EP300: variants seen among roughly 807,000 people sequenced by gnomAD.
EP300 encodes histone acetyltransferase p300.
EP300 carries 31 observed loss-of-function variants against 264.0 expected under a neutral mutation model. That is an observed-to-expected ratio of 0.12 (90% CI 0.09 to 0.16). The LOEUF is 0.16. Among genes scored for constraint, EP300 ranks in the 10% least tolerant of loss-of-function variants. EP300 has a pLI of 1.00. For synonymous variants in EP300, 1,340 were observed against 1,045.4 expected (o/e 1.28, Z -5.44); for missense variants, 2,766 against 3,052.9 (o/e 0.91, Z 2.21).
chr22:41,168,883 A>G lies in EP300; in HGVS notation c.4172+16A>G, dbSNP rs777335301. The G allele has an allele frequency of 1.4e-5, 22 of 1,614,052 alleles. No individual in the cohort carries two copies. In the Middle Eastern group the frequency reaches 4.9e-4, roughly 36 times the overall value. On this transcript the variant is annotated intron_variant, in intron 25 of 30. Transcript: ENST00000263253. ...CCAACCAGAGGTATGACTAGCTCACAGTGGCTAGCTCCGGATTTGTGTGGG... is the reference window on the plus strand; with the variant it reads ...CCAACCAGAGGTATGACTAGCTCACGGTGGCTAGCTCCGGATTTGTGTGGG...
Position 41,137,652 on chromosome 22 carries a change from G to A in EP300, c.1623-1G>A. On this transcript the variant is annotated splice_acceptor_variant, in intron 7 of 30. Coordinates refer to ENST00000263253, the MANE Select transcript of EP300 (RefSeq NM_001429.4). LOFTEE classifies it high-confidence loss of function. ...AACTATTTGGTGACCCCTTTTTGAA[G>A]CCCAATGATGAGTGAAAATGCCAGT... 1 of 1,613,570 alleles carries A rather than the reference G, an allele frequency of 6.2e-7. No individual in the cohort carries two copies. The highest frequency in any genetic ancestry group is 8.5e-7 in the Non-Finnish European group (1 of 1,179,830).
At chr22:41,169,029 A>AC (rs2059155604) in intron 25 of EP300, among the ~76,000 whole-genome samples, 162 bp downstream of exon 25, 2 of 152,068 alleles carry the variant, frequency 1.3e-5, no homozygotes, top group African/African-American at 4.8e-5. Flanking sequence ...TAAAAAGCAA[A>AC]CCCCCAAACA....
intron 20 of EP300, among the ~76,000 whole-genome samples, chr22:41,162,396 T>C (rs1284146122): frequency 2.6e-5 from 4 of 152,162 alleles, no homozygotes; most frequent in South Asian, 2.1e-4. Context: ...CAGTGTGTTA[T>C]GCTGGGTTTC....
rs151009770 is a variant in EP300 at position 41,178,405 on chromosome 22, C to G, written c.6694C>G (p.Gln2232Glu). 11 of 1,614,028 alleles carry G rather than the reference C, an allele frequency of 6.8e-6. No homozygotes were observed. Among genetic ancestry groups the G allele is most frequent in the East Asian group, 2.2e-5 (1 of 44,890 alleles). ...GCAGCAGCGGATGCAGCATCACATG[C>G]AACAGATGCAACAAGGAAATATGGG... Reference protein sequence around the residue: ...QQQQRMQHHMQQMQQGNMGQI... With the variant: ...QQQQRMQHHMEQMQQGNMGQI... Residue 2232 changes from glutamine (Q) to glutamate (E), a missense_variant, in exon 31 of 31, where the codon CAA becomes GAA. Physicochemically the swap from Gln to Glu is conservative, Grantham distance 29 (BLOSUM62 2). Transcript: ENST00000263253.
intron 1 of EP300, among the ~76,000 whole-genome samples, chr22:41,104,104 G>A (rs144487095): frequency 6.6e-6 from 1 of 152,026 alleles, no homozygotes; most frequent in Admixed American, 6.6e-5. Flanking sequence ...TTTTTAAAGG[G>A]TATGTTTCTC....
intron 1 of EP300, among the ~76,000 whole-genome samples, chr22:41,114,511 A>C (rs924638825): frequency 1.3e-5 from 2 of 152,162 alleles, no homozygotes; most frequent in African/African-American, 4.8e-5. Flanking sequence ...AGCCCATATG[A>C]TATTTCAAAA....
intron 30 of EP300, 93 bp from the exon 31 acceptor site, chr22:41,176,680 G>A (rs1266820419): frequency 1.1e-5 from 18 of 1,612,206 alleles, no homozygotes; most frequent in East Asian, 4.5e-5. Context: ...TTTGTTCTAC[G>A]AAAGGGGCTT....
chr22:41,159,122 C>G (rs1601625962), intron 19 of EP300: 1 of 154,140 alleles, frequency 6.5e-6, no homozygotes, highest in East Asian at 1.9e-4. Flanking sequence ...TCACATAAAT[C>G]TCATTCACTA....
At chr22:41,155,827 ATATTCCATTATTT>A (rs2059073742) in intron 17 of EP300, among the ~76,000 whole-genome samples, 1 of 152,152 alleles carries the variant, frequency 6.6e-6, no homozygotes, top group Non-Finnish European at 1.5e-5. Flanking sequence ...TAGCCCAATA[ATATTCCATTATTT>A]TTCTTTACCT....
At chr22:41,108,396 G>A (rs1202027367) in intron 1 of EP300, among the ~76,000 whole-genome samples, 2 of 151,602 alleles carry the variant, frequency 1.3e-5, no homozygotes, top group African/African-American at 2.4e-5. Flanking sequence ...CTACAGATGT[G>A]CACCACCATG....
At position 41,092,835 on chromosome 22, in the gene EP300, C is replaced by T. The variant is rs1469156830; in HGVS notation, c.-170C>T. On this transcript the variant is annotated 5_prime_UTR_variant, in exon 1 of 31. Transcript: ENST00000263253. Reference sequence around the variant, plus strand: ...TACCTTTTCTATCGAGTCCGCATCCCTCTCCAGCCACTGCGACCCGGCGAA... The same window carrying T: ...TACCTTTTCTATCGAGTCCGCATCCTTCTCCAGCCACTGCGACCCGGCGAA... 3 of 759,642 alleles carry T rather than the reference C, an allele frequency of 3.9e-6. No individual in the cohort carries two copies. The highest frequency in any genetic ancestry group is 4.7e-6 in the Non-Finnish European group (2 of 426,070). 47.1% of individuals were successfully genotyped at this position (759,642 alleles called of 1,614,324 possible).
chr22:41,157,826 A>G (rs898131438), intron 18 of EP300, among the ~76,000 whole-genome samples: 3 of 152,102 alleles, frequency 2.0e-5, no homozygotes, highest in African/African-American at 4.8e-5. Context: ...CAGCCAACAC[A>G]GTCTTTCTCT....
chr22:41,104,733 C>T (rs948443713), intron 1 of EP300, among the ~76,000 whole-genome samples: 1 of 152,170 alleles, frequency 6.6e-6, no homozygotes, highest in African/African-American at 2.4e-5. Flanking sequence ...AAATTCAAGA[C>T]TTAAGGCTGG....
chr22:41,138,852 G>A (rs1430132930), intron 8 of EP300, among the ~76,000 whole-genome samples: 1 of 151,956 alleles, frequency 6.6e-6, no homozygotes, highest in Admixed American at 6.6e-5. Context: ...TTATTTTTAT[G>A]TTATGTCAAA....
intron 1 of EP300, among the ~76,000 whole-genome samples, chr22:41,102,994 T>C (rs2058740099): frequency 6.6e-6 from 1 of 151,954 alleles, no homozygotes; most frequent in African/African-American, 2.4e-5. Flanking sequence ...GGACTAAAGG[T>C]ATCCACCACC....
chr22:41,164,118 T>C lies in EP300; in HGVS notation c.3794T>C (p.Ile1265Thr). Residue 1265 changes from isoleucine to threonine, a missense_variant, in exon 22 of 31, where the codon ATC becomes ACC. Coordinates refer to ENST00000263253, the MANE Select transcript of EP300 (RefSeq NM_001429.4). ...ATCTGTGTCCTTCACCATGAGATCA[T>C]CTGGCCTGCTGGGTAAGTCTTAACG... is the stretch of plus-strand genomic sequence containing the variant. ...HQICVLHHEIIWPAGFVCDGC... is the reference protein window; with the variant it reads ...HQICVLHHEITWPAGFVCDGC... 1.2e-6 allele frequency: 2 copies of C among 1,614,126 alleles called. No homozygotes were observed. The highest frequency in any genetic ancestry group is 1.7e-6 in the Non-Finnish European group (2 of 1,179,992).
rs150498069 is a variant in EP300 at position 41,152,313 on chromosome 22, C to G, written c.3105C>G (p.Thr1035=). Reference sequence around the variant, plus strand: ...AAGACCAGCCAAGTACTTCAGCTACCCAGTCATCTCCGGCTCCAGGACAGT... The same window carrying G: ...AAGACCAGCCAAGTACTTCAGCTACGCAGTCATCTCCGGCTCCAGGACAGT... ...EEEDQPSTSA[T]QSSPAPGQSK... Residue 1035 remains threonine, a synonymous_variant, in exon 16 of 31, where the codon ACC becomes ACG. Coordinates refer to ENST00000263253, the MANE Select transcript of EP300 (RefSeq NM_001429.4). The G allele has an allele frequency of 1.9e-6, 3 of 1,613,864 alleles. No individual in the cohort carries two copies. The Admixed American group carries it at 5.0e-5, about 27-fold the overall frequency.
rs1365712826 is a variant in EP300, at chr22:41,092,812, C to G, written c.-193C>G. ...GCCCGGCCCCTCGCACTTGCCCTTACCTTTTCTATCGAGTCCGCATCCCTC... is the reference window on the plus strand; with the variant it reads ...GCCCGGCCCCTCGCACTTGCCCTTAGCTTTTCTATCGAGTCCGCATCCCTC... On this transcript the variant is annotated 5_prime_UTR_variant, in exon 1 of 31. Transcript: ENST00000263253. 3 of 683,694 alleles carry G rather than the reference C, an allele frequency of 4.4e-6. No homozygotes were observed. Among genetic ancestry groups the G allele is most frequent in the East Asian group, 2.7e-5 (1 of 37,490 alleles). The allele number at this position is 683,694 out of a possible 1,614,324, so 42.4% of individuals were successfully genotyped here.
At chr22:41,134,160 T>C (rs1466760852) in intron 6 of EP300, among the ~76,000 whole-genome samples, 2 of 125,346 alleles carry the variant, frequency 1.6e-5, no homozygotes, top group African/African-American at 5.3e-5. Context: ...ATTTCATTCT[T>C]TTCTTTTTTT....
Sources: allele counts gnomAD v4.1 joint callset (sites outside exome capture counted in the v4.1 genomes callset), GRCh38; gene constraint gnomAD v4.1.1; transcripts MANE v1.5; gene names NCBI Gene and HGNC (gene_info 2026-07-23, HGNC 2026-07-21).